HIVEP1: variants seen among roughly 807,000 people sequenced by gnomAD.
The protein encoded by HIVEP1 is HIVEP zinc finger 1, also known as zinc finger protein 40.
HIVEP1 carries 36 observed loss-of-function variants against 180.0 expected under a neutral mutation model. The observed-to-expected ratio is 0.20, with a 90% CI of 0.15 to 0.26. The LOEUF (loss-of-function observed/expected upper bound fraction) is 0.26, where lower values mean the gene tolerates loss of function less well. HIVEP1 is among the 10% of genes least tolerant of loss of function. The pLI is 1.00. For missense variants in HIVEP1, 3,143 were observed against 3,268.7 expected (o/e 0.96, Z 0.94); for synonymous variants, 1,239 against 1,239.0 (o/e 1.00, Z 0.00).
chr6:12,193,447 T>TA, the HIVEP1 span, among the ~76,000 whole-genome samples: 1 of 152,236 alleles, frequency 6.6e-6, no homozygotes, highest in Admixed American at 6.5e-5. Context: ...AATGTTTTCT[T>TA]AAAATGTTGT....
intron 2 of HIVEP1, among the ~76,000 whole-genome samples, chr6:12,050,053 T>C (rs763178462): frequency 2.0e-5 from 3 of 152,134 alleles, no homozygotes; most frequent in Non-Finnish European, 2.9e-5. Context: ...AGACAAAGCC[T>C]CCTATCTGAT....
intron 3 of HIVEP1, among the ~76,000 whole-genome samples, chr6:12,101,426 T>A (rs928195614): frequency 6.6e-6 from 1 of 151,434 alleles, no homozygotes; most frequent in African/African-American, 2.4e-5. Context: ...AATATGTATA[T>A]AACAAAAGGA....
In HIVEP1 at chr6:12,120,136, A is replaced by G; in HGVS notation, c.341A>G (p.Glu114Gly). The G allele has an allele frequency of 6.2e-7, 1 of 1,613,924 alleles. No individual in the cohort carries two copies. Residue 114 changes from glutamate (E) to glycine (G), a missense_variant, in exon 4 of 9, where the codon GAA becomes GGA. Physicochemically the swap from Glu to Gly is moderately conservative, Grantham distance 98. This residue lies in a region of HIVEP1 where 114 missense variants were observed against 134.5 expected (regional missense o/e 0.85). Coordinates refer to ENST00000379388, the MANE Select transcript of HIVEP1 (RefSeq NM_002114.4). Reference sequence around the variant, plus strand: ...AAGCAGTTTACCAAACAAAATGGAGAAACACCTGGAATAATTGCTGAAGCC... The same window carrying G: ...AAGCAGTTTACCAAACAAAATGGAGGAACACCTGGAATAATTGCTGAAGCC... ...NGKQFTKQNGETPGIIAEASK... is the reference protein window; with the variant it reads ...NGKQFTKQNGGTPGIIAEASK...
intron 2 of HIVEP1, among the ~76,000 whole-genome samples, chr6:12,029,319 C>T (rs1223105539): frequency 6.6e-6 from 1 of 152,164 alleles, no homozygotes; most frequent in African/African-American, 2.4e-5. Flanking sequence ...TTTCTTTGAA[C>T]CTCTGCCACT....
At chr6:12,131,028 A>C in intron 6 of HIVEP1, 86 bp downstream of exon 6, 2 of 872,022 alleles carry the variant, frequency 2.3e-6, no homozygotes, top group Non-Finnish European at 3.5e-6. Flanking sequence ...TCTTTGACCG[A>C]TGAAATAGCA....
In HIVEP1 at chr6:12,120,208, A is replaced by G. The variant is rs1775481810; in HGVS notation, c.413A>G (p.Gln138Arg). ...TCCCCAAAGAAGCCCTTGTTTCTGC[A>G]GCAACCATCTGAACTGCGTAGATGG... ...SVSPKKPLFLQQPSELRRWRS... is the reference protein window; with the variant it reads ...SVSPKKPLFLRQPSELRRWRS... Residue 138 changes from glutamine to arginine, a missense_variant, in exon 4 of 9, where the codon CAG becomes CGG. Gln to Arg is a conservative substitution (Grantham distance 43). Around this residue, in one of 12 missense-constraint regions of HIVEP1, gnomAD observed 306 missense variants for 310.6 expected, o/e 0.99. Transcript: ENST00000379388. 1 of 1,614,120 alleles carries G rather than the reference A, an allele frequency of 6.2e-7. No individual in the cohort carries two copies. The highest frequency in any genetic ancestry group is 1.3e-5 in the African/African-American group (1 of 74,946).
Position 12,124,119 on chromosome 6 carries a change from C to T in HIVEP1, c.4324C>T (p.His1442Tyr). Reference protein sequence around the residue: ...QISLNIAPDSHLSPVHPTSFQ... With the variant: ...QISLNIAPDSYLSPVHPTSFQ... ...ATCTTTAAACATAGCCCCAGATAGT[C>T]ATCTGTCTCCTGTACACCCAACATC... The change falls in exon 4 of 9, where the codon CAT (histidine) becomes TAT (tyrosine). Residue 1442 changes from histidine (H) to tyrosine (Y), a missense_variant. Physicochemically the swap from His to Tyr is moderately conservative, Grantham distance 83. Coordinates refer to ENST00000379388, the MANE Select transcript of HIVEP1 (RefSeq NM_002114.4). 1.2e-6 allele frequency: 2 copies of T among 1,614,138 alleles called. No individual in the cohort carries two copies. Among genetic ancestry groups the T allele is most frequent in the East Asian group, 4.5e-5 (2 of 44,872 alleles).
intron 3 of HIVEP1, among the ~76,000 whole-genome samples, chr6:12,118,714 TTA>T (rs1474267462): frequency 6.6e-6 from 1 of 152,220 alleles, no homozygotes; most frequent in Non-Finnish European, 1.5e-5. Flanking sequence ...CATTACAACC[TTA>T]TGACTTTTTA....
chr6:12,055,429 G>A (rs759004361), intron 2 of HIVEP1, among the ~76,000 whole-genome samples: 7 of 151,968 alleles, frequency 4.6e-5, no homozygotes, highest in African/African-American at 9.7e-5. Context: ...GCTGAGATCC[G>A]CCACTGCACT....
intron 7 of HIVEP1, among the ~76,000 whole-genome samples, chr6:12,144,788 C>T (rs546196831): frequency 6.6e-6 from 1 of 152,324 alleles, no homozygotes; most frequent in Admixed American, 6.5e-5. Context: ...CATCACTGGT[C>T]ATCAGAGAAA....
chr6:12,016,187 G>A (rs1159852884), intron 2 of HIVEP1, among the ~76,000 whole-genome samples: 6 of 152,150 alleles, frequency 3.9e-5, no homozygotes, highest in Non-Finnish European at 8.8e-5. Context: ...AAGAAGCAGT[G>A]GGTCACAAAT....
chr6:12,011,796 C>G (rs1446029886), upstream of HIVEP1, among the ~76,000 whole-genome samples: 1 of 147,788 alleles, frequency 6.8e-6, no homozygotes, highest in Non-Finnish European at 1.5e-5. Context: ...CCGCGCCGGC[C>G]CAGCTGGGCC....
chr6:12,084,928 G>A (rs2327510), intron 2 of HIVEP1, among the ~76,000 whole-genome samples: 151,756 of 152,234 alleles, frequency 1, 75,639 homozygotes, highest in Non-Finnish European at 1. Flanking sequence ...GAGTGCTTTC[G>A]GGGTACTGAT....
At chr6:12,171,437 C>G in the HIVEP1 span, among the ~76,000 whole-genome samples, 1 of 152,084 alleles carries the variant, frequency 6.6e-6, no homozygotes, top group Non-Finnish European at 1.5e-5. Flanking sequence ...CCTCCATAAT[C>G]GGACTCCAGG....
chr6:12,209,461 G>A, the HIVEP1 span, among the ~76,000 whole-genome samples: 1 of 152,044 alleles, frequency 6.6e-6, no homozygotes, highest in Non-Finnish European at 1.5e-5. Flanking sequence ...TTTCTCTAGA[G>A]GGCTTATCAC....
At chr6:12,029,424 C>A (rs1768792313) in intron 2 of HIVEP1, among the ~76,000 whole-genome samples, 1 of 152,190 alleles carries the variant, frequency 6.6e-6, no homozygotes, top group African/African-American at 2.4e-5. Context: ...TATTCCATCA[C>A]ATTGATGTAA....
intron 2 of HIVEP1, among the ~76,000 whole-genome samples, chr6:12,047,238 A>G (rs1770199457): frequency 6.6e-6 from 1 of 152,234 alleles, no homozygotes; most frequent in African/African-American, 2.4e-5. Context: ...ACATAATTCT[A>G]AATGCCTACA....
Position 12,125,721 on chromosome 6 carries a change from A to G in HIVEP1, c.5926A>G (p.Asn1976Asp), listed in dbSNP as rs760549930. Residue 1976 changes from asparagine (N) to aspartate (D), a missense_variant, in exon 4 of 9, where the codon AAT (asparagine) becomes GAT (aspartate). Around this residue, in one of 12 missense-constraint regions of HIVEP1, gnomAD observed 1,357 missense variants for 1,260.5 expected, o/e 1.08. Coordinates refer to ENST00000379388, the MANE Select transcript of HIVEP1 (RefSeq NM_002114.4). ...TTGGACAGTAAGCGCCAGTAATCCAAATCCACTCGGTTTGCCCACAAAAGT... is the reference window on the plus strand; with the variant it reads ...TTGGACAGTAAGCGCCAGTAATCCAGATCCACTCGGTTTGCCCACAAAAGT... Reference protein sequence around the residue: ...TDWTVSASNPNPLGLPTKVAL... With the variant: ...TDWTVSASNPDPLGLPTKVAL... The G allele has an allele frequency of 3.1e-6, 5 of 1,614,098 alleles. No individual in the cohort carries two copies. In the African/African-American group the frequency reaches 5.3e-5, roughly 17 times the overall value.
chr6:12,129,832 A>C lies in HIVEP1; in HGVS notation c.6149A>C (p.Gln2050Pro). Residue 2050 changes from glutamine to proline, a missense_variant, in exon 5 of 9, where the codon CAA (glutamine) becomes CCA (proline). By Grantham distance (76) the Gln-to-Pro change is moderately conservative. This residue lies in a region of HIVEP1 where 1,357 missense variants were observed against 1,260.5 expected (regional missense o/e 1.08). Transcript: ENST00000379388. ...GATGCCTCTGAAATTAACAGTGAGC[A>C]AGATAAAGAAAATTCCTTAATCAAA... is the stretch of plus-strand genomic sequence containing the variant. ...NKDASEINSE[Q>P]DKENSLIKSE... is the part of the protein sequence containing the mutation. 1 of 1,583,532 alleles carries C rather than the reference A, an allele frequency of 6.3e-7. No homozygotes were observed. The highest frequency in any genetic ancestry group is 8.7e-7 in the Non-Finnish European group (1 of 1,152,784).
Sources: gnomAD v4.1 joint callset for allele counts (sites outside exome capture counted in the v4.1 genomes callset) on GRCh38, gnomAD v4.1.1 for gene constraint, gnomAD v4.1.1 regional missense constraint, MANE v1.5 for transcripts, NCBI Gene and HGNC (gene_info 2026-07-23, HGNC 2026-07-21) for gene names.